ABHD6: variants seen among roughly 807,000 people sequenced by gnomAD.
ABHD6 encodes the protein abhydrolase domain containing 6, acylglycerol lipase, also known as monoacylglycerol lipase ABHD6.
Under a neutral mutation model 38.8 loss-of-function variants are expected in ABHD6, and 33 were observed. The ratio of observed to expected loss-of-function variants is 0.85; its 90% CI spans 0.64 to 1.14. The LOEUF is 1.14. Among genes scored for constraint, ABHD6 ranks in the 50% most tolerant of loss-of-function variants. The pLI, the probability that ABHD6 is intolerant of heterozygous loss-of-function variation, is 0.00. For missense variants in ABHD6, 380 were observed against 422.6 expected, an observed-to-expected ratio of 0.90 and a Z score of 0.88; for synonymous variants, 147 against 161.6, an observed-to-expected ratio of 0.91 and a Z score of 0.69.
intron 3 of ABHD6, among the ~76,000 whole-genome samples, chr3:58,262,353 G>GT: frequency 6.6e-6 from 1 of 152,164 alleles, no homozygotes; most frequent in East Asian, 1.9e-4. Flanking sequence ...AAAAAAATCT[G>GT]TAAGTACTTT....
chr3:58,244,216 G>A (rs1384867304), intron 1 of ABHD6, among the ~76,000 whole-genome samples: 2 of 152,192 alleles, frequency 1.3e-5, no homozygotes, highest in Non-Finnish European at 2.9e-5. Context: ...TTAAGGAACT[G>A]CTTGGATGAT....
At position 58,285,498 on chromosome 3, in the gene ABHD6, C is replaced by T. The variant is rs1469212302; in HGVS notation, c.837+45C>T. 4 of 1,533,892 alleles carry T rather than the reference C, an allele frequency of 2.6e-6. No homozygotes were observed. The highest frequency in any genetic ancestry group is 3.4e-5 in the Admixed American group (2 of 59,690). On this transcript the variant is annotated intron_variant, in intron 9 of 9. Transcript: ENST00000478253. This position sits in a 1 kb window ranked among gnomAD's most constrained non-coding sequence, Gnocchi z 4.9. ...GGCAGTCTGTGCTGGTCACCAGGGCCTCTGAGGAAAAACGTCCTTGAGGAA... is the reference window on the plus strand; with the variant it reads ...GGCAGTCTGTGCTGGTCACCAGGGCTTCTGAGGAAAAACGTCCTTGAGGAA...
chr3:58,254,055 T>A (rs1449541344), intron 2 of ABHD6, among the ~76,000 whole-genome samples: 1 of 152,144 alleles, frequency 6.6e-6, no homozygotes, highest in Non-Finnish European at 1.5e-5. Context: ...AGCAAAGAGG[T>A]TACAGAGACT....
intron 6 of ABHD6, among the ~76,000 whole-genome samples, chr3:58,272,193 C>T (rs1169068901): frequency 1.4e-4 from 22 of 152,118 alleles, no homozygotes; most frequent in African/African-American, 4.8e-5. Context: ...TGACTTTTTA[C>T]GTATGCAGTT....
intron 1 of ABHD6, among the ~76,000 whole-genome samples, chr3:58,248,637 G>A (rs1334229457): frequency 6.6e-6 from 1 of 152,224 alleles, no homozygotes; most frequent in Admixed American, 6.5e-5. Context: ...GGCGGAGGTT[G>A]CGGTGAGCTG....
intron 3 of ABHD6, chr3:58,258,412 C>T (rs1342905742): frequency 1.2e-5 from 5 of 428,878 alleles, no homozygotes; most frequent in Non-Finnish European, 1.9e-5. Context: ...GCATGAGCAG[C>T]GTGAAAGATG....
intron 2 of ABHD6, among the ~76,000 whole-genome samples, chr3:58,254,656 G>A (rs2097432013): frequency 6.6e-6 from 1 of 152,078 alleles, no homozygotes; most frequent in Non-Finnish European, 1.5e-5. Context: ...GAAGAAATCT[G>A]TATTATGTTT....
rs747238730 is a variant in ABHD6 at position 58,285,423 on chromosome 3, G to A, written c.807G>A (p.Pro269=). The change falls in exon 9 of 10, where the codon CCG becomes CCA. Residue 269 remains proline (P), a synonymous_variant. Transcript: ENST00000478253. The surrounding 1 kb of genome is among the most constrained non-coding windows in gnomAD (Gnocchi z 4.9). ...LHQNMDKIKV[P]TQIIWGKQDQ... ...AGAACATGGACAAGATCAAGGTTCC[G>A]ACGCAGATCATCTGGGGGAAACAAG... 25 of 1,614,002 alleles carry A rather than the reference G, an allele frequency of 1.5e-5. No homozygotes were observed. Among genetic ancestry groups the A allele is most frequent in the South Asian group, 2.2e-5 (2 of 91,074 alleles).
At chr3:58,286,844 G>GTATA (rs1553721712) in intron 9 of ABHD6, among the ~76,000 whole-genome samples, 1 of 50,068 alleles carries the variant, frequency 2.0e-5, no homozygotes, top group African/African-American at 1.1e-4. Context: ...GTGTGTGTGT[G>GTATA]TGTGTGTGTA....
intron 1 of ABHD6, among the ~76,000 whole-genome samples, chr3:58,242,893 C>T (rs1029569490): frequency 6.6e-6 from 1 of 152,080 alleles, no homozygotes; most frequent in Admixed American, 6.6e-5. Context: ...CACGACAGGC[C>T]CCGGTGTGTA....
chr3:58,275,754 A>G (rs1276462551), intron 7 of ABHD6, among the ~76,000 whole-genome samples: 2 of 152,078 alleles, frequency 1.3e-5, no homozygotes, highest in Non-Finnish European at 2.9e-5. Flanking sequence ...TCAACTCACC[A>G]TTCACGTTAG....
intron 2 of ABHD6, among the ~76,000 whole-genome samples, chr3:58,254,734 T>A (rs1309824118): frequency 6.6e-6 from 1 of 151,968 alleles, no homozygotes; most frequent in Non-Finnish European, 1.5e-5. Context: ...GGCTTACAGG[T>A]CCTTCCAGGG....
rs1389010237 is a variant in ABHD6, at chr3:58,259,974, CATA to C, written c.119+3272_119+3274del. Reference sequence around the variant, plus strand: ...TTTGTGTCTGGTTTCTCTCACTTAGCATAATGTTTTCAAGGTTCGTCCATGTTG... The same window carrying C: ...TTTGTGTCTGGTTTCTCTCACTTAGCATGTTTTCAAGGTTCGTCCATGTTG... On this transcript the variant is annotated intron_variant, in intron 3 of 9. Transcript: ENST00000478253. The surrounding 1 kb of genome is among the most constrained non-coding windows in gnomAD (Gnocchi z 4.7). 6.6e-6 allele frequency among the ~76,000 whole-genome samples: 1 copy of C among 152,284 alleles called. No homozygotes were observed. Among genetic ancestry groups the C allele is most frequent in the Non-Finnish European group, 1.5e-5 (1 of 68,034 alleles).
rs1331100942 is a variant in ABHD6 at position 58,287,313 on chromosome 3, G to A, written c.837+1860G>A. ...AAATAAAAATAAAAAAGAATACAGA[G>A]TATACCTGCATACCCTTTACCTAAA... On this transcript the variant is annotated intron_variant, in intron 9 of 9. Coordinates refer to ENST00000478253, the MANE Select transcript of ABHD6 (RefSeq NM_001320126.2). The surrounding 1 kb of genome is among the most constrained non-coding windows in gnomAD (Gnocchi z 4.7). Among the ~76,000 whole-genome samples, 1 of 152,042 alleles carries A rather than the reference G, an allele frequency of 6.6e-6. No individual in the cohort carries two copies. The highest frequency in any genetic ancestry group is 2.4e-5 in the African/African-American group (1 of 41,396).
At chr3:58,262,698 G>A (rs538012052) in intron 3 of ABHD6, among the ~76,000 whole-genome samples, 14 of 152,308 alleles carry the variant, frequency 9.2e-5, no homozygotes, top group African/African-American at 3.4e-4. Flanking sequence ...TGGGCCATGG[G>A]TCTTTCAGAA....
intron 9 of ABHD6, among the ~76,000 whole-genome samples, chr3:58,286,870 G>GTATATATATATA (rs1315175509): frequency 9.3e-5 from 7 of 75,042 alleles, no homozygotes; most frequent in Admixed American, 1.6e-4. Flanking sequence ...ATATATATAT[G>GTATATATATATA]TATATGTATA....
rs2097438666 is a variant in ABHD6 at position 58,263,641 on chromosome 3, T to A, written c.120-3548T>A. ...CCTTGCCTCTGCTGTCTCTACCTCC[T>A]GGCACACCTTCTCCAGCTTCCAGCT... On this transcript the variant is annotated intron_variant, in intron 3 of 9. Coordinates refer to ENST00000478253, the MANE Select transcript of ABHD6 (RefSeq NM_001320126.2). This position sits in a 1 kb window ranked among gnomAD's most constrained non-coding sequence, Gnocchi z 4.9. Among the ~76,000 whole-genome samples, 1 of 152,226 alleles carries A rather than the reference T, an allele frequency of 6.6e-6. No homozygotes were observed. Among genetic ancestry groups the A allele is most frequent in the African/African-American group, 2.4e-5 (1 of 41,450 alleles).
chr3:58,248,319 C>G (rs1575513739), intron 1 of ABHD6, among the ~76,000 whole-genome samples: 1 of 152,340 alleles, frequency 6.6e-6, no homozygotes, highest in East Asian at 1.9e-4. Flanking sequence ...TATTTCCAAT[C>G]TTTTGCCATT....
At chr3:58,284,778 G>C (rs1476906841) in intron 7 of ABHD6, among the ~76,000 whole-genome samples, 2 of 152,124 alleles carry the variant, frequency 1.3e-5, no homozygotes, top group African/African-American at 2.4e-5. Flanking sequence ...AAGTGAAGCA[G>C]AGAATCTCTC....
Sources: allele counts gnomAD v4.1 joint callset (sites outside exome capture counted in the v4.1 genomes callset), GRCh38; gene constraint gnomAD v4.1.1; non-coding constraint Gnocchi (gnomAD v3.1); transcripts MANE v1.5; gene names NCBI Gene and HGNC (gene_info 2026-07-23, HGNC 2026-07-21).